Variants in MYBPC1 observed in about 807,000 individuals in gnomAD.
MYBPC1 encodes myosin-binding protein C, slow-type.
In MYBPC1, 52 loss-of-function variants were observed where a neutral mutation model predicts 147.1. The observed-to-expected ratio is 0.35, with a 90% confidence interval of 0.28 to 0.45. MYBPC1 has a LOEUF of 0.45. MYBPC1 is among the 20% of genes least tolerant of loss of function. The probability of loss-of-function intolerance (pLI) is 1.00; values close to 1 mark genes in which losing one functional copy is unlikely to be tolerated. For synonymous variants in MYBPC1, 477 were observed against 475.9 expected, an observed-to-expected ratio of 1.00 and a Z score of -0.03; for missense variants, 1,228 against 1,440.3, an observed-to-expected ratio of 0.85 and a Z score of 2.39.
At chr12:101,634,512 C>T (rs776698100) in intron 8 of MYBPC1, 42 bp from the exon 9 acceptor site, 4 of 1,501,180 alleles carry the variant, frequency 2.7e-6, no homozygotes, top group Non-Finnish European at 3.7e-6. Flanking sequence ...CAAACTACCT[C>T]CTTAATGGGT....
At chr12:101,647,661 G>A (rs1445661553) in intron 13 of MYBPC1, among the ~76,000 whole-genome samples, 1 of 152,160 alleles carries the variant, frequency 6.6e-6, no homozygotes, top group African/African-American at 2.4e-5. Flanking sequence ...GCCAAGGCAC[G>A]TGATCACTTG....
intron 23 of MYBPC1, among the ~76,000 whole-genome samples, chr12:101,669,283 A>G (rs1898076875): frequency 6.6e-6 from 1 of 152,170 alleles, no homozygotes; most frequent in Non-Finnish European, 1.5e-5. Context: ...ACTTTTTTGC[A>G]CAGAAGCTCC....
At chr12:101,609,079 G>C (rs1056481283) in intron 1 of MYBPC1, among the ~76,000 whole-genome samples, 1 of 151,970 alleles carries the variant, frequency 6.6e-6, no homozygotes, top group Admixed American at 6.6e-5. Flanking sequence ...GAAGGAGAAG[G>C]GCCTTGTCCT....
chr12:101,619,663 A>G (rs1233300415), intron 3 of MYBPC1, among the ~76,000 whole-genome samples: 3 of 152,202 alleles, frequency 2.0e-5, no homozygotes, highest in African/African-American at 7.2e-5. Context: ...ACTGCTGCAG[A>G]ACAGAAGGAT....
At chr12:101,617,137 G>A (rs371283549) in intron 2 of MYBPC1, 65 bp from the exon 3 acceptor site, 138 of 1,509,334 alleles carry the variant, frequency 9.1e-5, no homozygotes, top group East Asian at 1.1e-4. Flanking sequence ...TCTCCACCCC[G>A]TTGCTCATCA....
chr12:101,661,327 T>G, intron 20 of MYBPC1, 65 bp downstream of exon 20: 1 of 1,007,304 alleles, frequency 9.9e-7, no homozygotes. Context: ...CGCATCTTAG[T>G]ACAGAGCACA....
At chr12:101,660,596 A>C (rs530596688) in intron 19 of MYBPC1, 1 of 161,420 alleles carries the variant, frequency 6.2e-6, no homozygotes, top group Non-Finnish European at 1.4e-5. Flanking sequence ...GGGTGGGCTC[A>C]TCTTCCCTTA....
chr12:101,605,389 C>A (rs1025400377), intron 1 of MYBPC1, among the ~76,000 whole-genome samples: 3 of 152,070 alleles, frequency 2.0e-5, no homozygotes, highest in Non-Finnish European at 4.4e-5. Flanking sequence ...AAGAGATTTG[C>A]AATAAATTCA....
chr12:101,643,911 T>C (rs1263452073), intron 11 of MYBPC1, among the ~76,000 whole-genome samples: 3 of 152,216 alleles, frequency 2.0e-5, no homozygotes, highest in Admixed American at 1.3e-4. Flanking sequence ...CGATTTAATA[T>C]GAATCACTGA....
At chr12:101,623,548 A>G (rs1367469203) in intron 3 of MYBPC1, among the ~76,000 whole-genome samples, 2 of 152,210 alleles carry the variant, frequency 1.3e-5, no homozygotes, top group Admixed American at 6.5e-5. Context: ...ATGTTTCATT[A>G]TGCTCTGTGC....
chr12:101,612,913 G>C (rs1243035716), intron 1 of MYBPC1, among the ~76,000 whole-genome samples: 2 of 152,210 alleles, frequency 1.3e-5, no homozygotes, highest in East Asian at 1.9e-4. Flanking sequence ...ATGTAGTGAA[G>C]AAACAAAAAC....
At chr12:101,668,005 T>G (rs1897805082) in intron 23 of MYBPC1, 106 bp downstream of exon 23, 1 of 1,255,580 alleles carries the variant, frequency 8.0e-7, no homozygotes, top group African/African-American at 1.7e-5. Context: ...TGTTACTCCT[T>G]TGATATTTTG....
intron 13 of MYBPC1, among the ~76,000 whole-genome samples, chr12:101,647,564 A>G (rs1893459028): frequency 2.7e-5 from 4 of 148,622 alleles, no homozygotes; most frequent in Admixed American, 1.4e-4. Context: ...TATTTTGCCA[A>G]GAACAGACAT....
chr12:101,648,966 C>T (rs1035955865), intron 14 of MYBPC1, among the ~76,000 whole-genome samples: 1 of 152,136 alleles, frequency 6.6e-6, no homozygotes, highest in African/African-American at 2.4e-5. Flanking sequence ...TACTAATGTG[C>T]TTCAAGAGCC....
At chr12:101,676,675 C>T (rs371101826) in intron 26 of MYBPC1, among the ~76,000 whole-genome samples, 5 of 151,840 alleles carry the variant, frequency 3.3e-5, no homozygotes, top group Admixed American at 2.6e-4. Flanking sequence ...CTATTGAGCC[C>T]GGGAGGTCAA....
rs2136061526 is a variant in MYBPC1 at position 101,632,087 on chromosome 12, G to A, written c.505G>A (p.Val169Ile). 6.2e-7 allele frequency: 1 copy of A among 1,614,158 alleles called. No individual in the cohort carries two copies. Among genetic ancestry groups the A allele is most frequent in the East Asian group, 2.2e-5 (1 of 44,886 alleles). ...DNFAGNYRCE[V>I]TYKDKFDSCS... ...CTTTGCAGGAAATTACAGATGCGAG[G>A]TCACCTATAAGGATAAGTTTGACAG... The change falls in exon 8 of 32, where the codon GTC becomes ATC. Residue 169 changes from valine to isoleucine, a missense_variant. Coordinates refer to ENST00000361466, the MANE Select transcript of MYBPC1 (RefSeq NM_002465.4).
At chr12:101,680,228 C>G in intron 28 of MYBPC1, 115 bp from the exon 29 acceptor site, 1 of 995,910 alleles carries the variant, frequency 1.0e-6, no homozygotes, top group East Asian at 2.6e-5. Context: ...CTATCCTTCT[C>G]AGATGCACTT....
chr12:101,677,482 AC>A, intron 27 of MYBPC1, 88 bp downstream of exon 27: 1 of 1,481,496 alleles, frequency 6.7e-7, no homozygotes. Context: ...GTGAAAGGGA[AC>A]AAAAAAATGG....
At chr12:101,598,061 C>G (rs1172622936) in intron 1 of MYBPC1, among the ~76,000 whole-genome samples, 1 of 150,006 alleles carries the variant, frequency 6.7e-6, no homozygotes, top group Admixed American at 6.6e-5. Flanking sequence ...ACTCTGTGGC[C>G]CAGGCTGGAG....
Sources: gnomAD v4.1 joint callset for allele counts (sites outside exome capture counted in the v4.1 genomes callset) on GRCh38, gnomAD v4.1.1 for gene constraint, MANE v1.5 for transcripts, NCBI Gene and HGNC (gene_info 2026-07-23, HGNC 2026-07-21) for gene names.